Variants in ERV3-1 observed in about 807,000 individuals in gnomAD.
The protein encoded by ERV3-1 is endogenous retrovirus group 3 member 1 Env polyprotein.
ERV3-1 carries 36 observed loss-of-function variants against 24.6 expected under a neutral mutation model. The observed-to-expected ratio is 1.47, with a 90% CI of 1.12 to 1.94. The LOEUF is 1.94. ERV3-1 is among the 30% of genes most tolerant of loss of function. The probability of loss-of-function intolerance (pLI) is 0.00; values close to 1 mark genes in which losing one functional copy is unlikely to be tolerated. For missense variants in ERV3-1, 578 were observed against 330.9 expected (o/e 1.75, Z -5.79); for synonymous variants, 211 against 122.6 (o/e 1.72, Z -4.76).
At chr7:65,003,495 A>G (rs1786567505) in intron 1 of ERV3-1, among the ~76,000 whole-genome samples, 1 of 152,180 alleles carries the variant, frequency 6.6e-6, no homozygotes, top group Admixed American at 6.5e-5. Flanking sequence ...AAAGAAAAAG[A>G]AAGAAAGAAC....
Position 65,000,260 on chromosome 7 carries a change from T to C in ERV3-1, c.-389+6281A>G, listed in dbSNP as rs148357531. On this transcript the variant is annotated intron_variant, in intron 1 of 1. Coordinates refer to ENST00000394323, the MANE Select transcript of ERV3-1 (RefSeq NM_001007253.4). ...TTTTTTGAGATGGAGTCTCACGCTG[T>C]TGCCCAGGGTGGAGTGCAGTGGCTC... 5.3e-3 allele frequency among the ~76,000 whole-genome samples: 799 copies of C among 152,138 alleles called. 8 individuals are homozygous for C. The highest frequency in any genetic ancestry group is 0.018 in the African/African-American group (745 of 41,502).
At position 64,992,395 on chromosome 7, in the gene ERV3-1, A is replaced by G. The variant is rs765310600; in HGVS notation, c.632T>C (p.Ile211Thr). The change falls in exon 2 of 2, where the codon ATA becomes ACA. Residue 211 changes from isoleucine to threonine, a missense_variant. Ile to Thr is a moderately conservative substitution (Grantham distance 89). Transcript: ENST00000394323. The part of the protein sequence containing the change: ...NLTILEPDQP[I>T]WTTGLKAPLG... The stretch of plus-strand genomic sequence containing the variant: ...CGGTGCTTTTAAACCTGTTGTCCAT[A>G]TGGGCTGATCTGGCTCTAAGATGGT... The G allele has an allele frequency of 2.0e-5, 15 of 766,148 alleles. No individual in the cohort carries two copies. Among genetic ancestry groups the G allele is most frequent in the Non-Finnish European group, 3.4e-5 (14 of 417,886 alleles). 47.5% of individuals were successfully genotyped at this position (766,148 alleles called of 1,614,324 possible).
At position 64,998,289 on chromosome 7, in the gene ERV3-1, A is replaced by C. The variant is rs143689085; in HGVS notation, c.-388-4875T>G. On this transcript the variant is annotated intron_variant, in intron 1 of 1. Transcript: ENST00000394323. ...CGAGCTATGAGCGTTTTGCAATAAGAAGCCAGGCAAGGCTGCAGCCATGCA... is the reference window on the plus strand; with the variant it reads ...CGAGCTATGAGCGTTTTGCAATAAGCAGCCAGGCAAGGCTGCAGCCATGCA... Among the ~76,000 whole-genome samples the C allele has an allele frequency of 3.3e-5, 5 of 152,264 alleles. No homozygotes were observed. In the East Asian group the frequency reaches 9.7e-4, roughly 29 times the overall value.
intron 1 of ERV3-1, among the ~76,000 whole-genome samples, chr7:65,005,460 C>G (rs1786624708): frequency 6.6e-6 from 1 of 152,170 alleles, no homozygotes; most frequent in Admixed American, 6.5e-5. Flanking sequence ...CTTGGGAAAT[C>G]TTTACAAACA....
rs1038460509 is a variant in ERV3-1, at chr7:64,992,946, T to C, written c.81A>G (p.Gly27=). ...LSMLKGEPWE[G]CLHCTHTTWS... The stretch of plus-strand genomic sequence containing the variant: ...ACGTAGTGTGGGTGCAGTGGAGGCA[T>C]CCCTCCCAGGGTTCTCCTTTTAACA... The change falls in exon 2 of 2, where the codon GGA becomes GGG. Residue 27 remains glycine, a synonymous_variant. Coordinates refer to ENST00000394323, the MANE Select transcript of ERV3-1 (RefSeq NM_001007253.4). 5.2e-6 allele frequency: 4 copies of C among 766,242 alleles called. No homozygotes were observed. Among genetic ancestry groups the C allele is most frequent in the Non-Finnish European group, 9.6e-6 (4 of 417,906 alleles). 47.5% of individuals were successfully genotyped at this position (766,242 alleles called of 1,614,324 possible). A position where few individuals can be genotyped will look rare whatever the true frequency, so the allele number is the denominator to read the frequency against.
intron 1 of ERV3-1, among the ~76,000 whole-genome samples, chr7:65,005,682 A>G (rs1331458425): frequency 6.6e-6 from 1 of 152,190 alleles, no homozygotes; most frequent in Non-Finnish European, 1.5e-5. Flanking sequence ...GGAATGGGAA[A>G]TGGGGAGAAG....
chr7:64,998,354 G>A (rs1786449544), intron 1 of ERV3-1, among the ~76,000 whole-genome samples: 1 of 152,164 alleles, frequency 6.6e-6, no homozygotes, highest in Non-Finnish European at 1.5e-5. Flanking sequence ...GTCAATATAA[G>A]GAAATTGGTC....
intron 1 of ERV3-1, among the ~76,000 whole-genome samples, chr7:65,000,095 A>T (rs143070854): frequency 6.6e-6 from 1 of 152,218 alleles, no homozygotes; most frequent in Admixed American, 6.5e-5. Context: ...ATACAAAGAC[A>T]TGCATGTTCA....
intron 1 of ERV3-1, among the ~76,000 whole-genome samples, chr7:64,997,080 G>C (rs986846490): frequency 6.6e-6 from 1 of 152,146 alleles, no homozygotes; most frequent in African/African-American, 2.4e-5. Context: ...TGCGCACATT[G>C]ATTCCTACAT....
rs1184617284 is a variant in ERV3-1, at chr7:64,990,465, AG to A, written c.*746del. The A allele has an allele frequency of 1.1e-5, 2 of 184,240 alleles. No individual in the cohort carries two copies. The highest frequency in any genetic ancestry group is 1.5e-4 in the South Asian group (1 of 6,852). 11.4% of individuals were successfully genotyped at this position (184,240 alleles called of 1,614,324 possible). Reference sequence around the variant, plus strand: ...CTTGACTTTTATACATGCATCAGGCAGGGGCAAGTCGGGTTTTTGGCGCAAA... The same window carrying A: ...CTTGACTTTTATACATGCATCAGGCAGGGCAAGTCGGGTTTTTGGCGCAAA... On this transcript the variant is annotated 3_prime_UTR_variant, in exon 2 of 2. Coordinates refer to ENST00000394323, the MANE Select transcript of ERV3-1 (RefSeq NM_001007253.4).
At chr7:65,004,614 AGT>A (rs1786597366) in intron 1 of ERV3-1, 1 of 152,226 alleles carries the variant, frequency 6.6e-6, no homozygotes, top group African/African-American at 2.4e-5. Flanking sequence ...AAAAAACTGT[AGT>A]CAAAATAAGT....
In ERV3-1 at chr7:64,992,601, G is replaced by A. The variant is rs1388323083; in HGVS notation, c.426C>T (p.Tyr142=). 1 of 766,252 alleles carries A rather than the reference G, an allele frequency of 1.3e-6. No individual in the cohort carries two copies. The highest frequency in any genetic ancestry group is 1.7e-5 in the African/African-American group (1 of 59,106). The allele number at this position is 766,252 out of a possible 1,614,324, so 47.5% of individuals were successfully genotyped here. ...LFPVIFSSME[Y]YSSCHKNRYA... ...ACCTATTTTTATGGCAGCTACTATA[G>A]TACTCCATGGAACTGAAGATTACGG... Residue 142 remains tyrosine, a synonymous_variant, in exon 2 of 2, where the codon TAC becomes TAT. Coordinates refer to ENST00000394323, the MANE Select transcript of ERV3-1 (RefSeq NM_001007253.4).
At chr7:65,005,605 T>C (rs1199211402) in intron 1 of ERV3-1, among the ~76,000 whole-genome samples, 1 of 152,182 alleles carries the variant, frequency 6.6e-6, no homozygotes, top group East Asian at 1.9e-4. Context: ...GAGGGGAAAT[T>C]GGCATTTGGG....
At chr7:65,000,503 A>G (rs150486682) in intron 1 of ERV3-1, among the ~76,000 whole-genome samples, 4,617 of 152,274 alleles carry the variant, frequency 0.03, 99 homozygotes, top group Non-Finnish European at 0.046. Flanking sequence ...GATTACAGGC[A>G]TGAGCCACTG....
chr7:64,995,393 T>C (rs1209400089), intron 1 of ERV3-1, among the ~76,000 whole-genome samples: 2 of 152,238 alleles, frequency 1.3e-5, no homozygotes, highest in Non-Finnish European at 1.5e-5. Flanking sequence ...CATGGACATA[T>C]AGAAAGAAAG....
intron 1 of ERV3-1, among the ~76,000 whole-genome samples, chr7:64,996,087 A>C (rs1432471897): frequency 6.6e-6 from 1 of 152,204 alleles, no homozygotes; most frequent in Non-Finnish European, 1.5e-5. Context: ...ACTTGCTAGA[A>C]TAAGTCCCAT....
intron 1 of ERV3-1, among the ~76,000 whole-genome samples, chr7:64,995,015 A>G (rs1415551798): frequency 6.6e-6 from 1 of 152,250 alleles, no homozygotes; most frequent in African/African-American, 2.4e-5. Flanking sequence ...CTGTTGCCAC[A>G]GTCACGGAAG....
At chr7:64,998,974 C>T (rs533597981) in intron 1 of ERV3-1, among the ~76,000 whole-genome samples, 34 of 152,314 alleles carry the variant, frequency 2.2e-4, no homozygotes, top group African/African-American at 7.7e-4. Flanking sequence ...GCCACTCTCA[C>T]GTCCTGGGTC....
intron 1 of ERV3-1, chr7:65,006,251 T>C (rs1786646471): frequency 2.0e-6 from 1 of 509,162 alleles, no homozygotes; most frequent in Admixed American, 3.2e-5. Flanking sequence ...CAGTGGTCCC[T>C]GCACAATCGG....
Sources: gnomAD v4.1 joint callset for allele counts (sites outside exome capture counted in the v4.1 genomes callset) on GRCh38, gnomAD v4.1.1 for gene constraint, MANE v1.5 for transcripts, NCBI Gene and HGNC (gene_info 2026-07-23, HGNC 2026-07-21) for gene names.